The following SPRYD7 variants were observed in gnomAD, a reference collection of about 807,000 sequenced individuals.
The protein encoded by SPRYD7 is SPRY domain containing 7, also known as SPRY domain-containing protein 7.
In SPRYD7, 14 loss-of-function variants were observed where a neutral mutation model predicts 23.8. That is an observed-to-expected ratio of 0.59 (90% confidence interval 0.39 to 0.92). The LOEUF (loss-of-function observed/expected upper bound fraction) is 0.92, where lower values mean the gene tolerates loss of function less well. Among genes scored for constraint, SPRYD7 ranks in the 40% least tolerant of loss-of-function variants. The probability of loss-of-function intolerance (pLI) is 0.00; values close to 1 mark genes in which losing one functional copy is unlikely to be tolerated. For missense variants in SPRYD7, 194 were observed against 241.7 expected (o/e 0.80, Z 1.31); for synonymous variants, 75 against 84.9 (o/e 0.88, Z 0.64).
Position 49,936,231 on chromosome 13 carries a change from G to T in SPRYD7, c.5C>A (p.Ala2Asp). Residue 2 changes from alanine to aspartate, a missense_variant, in exon 1 of 5, where the codon GCC becomes GAC. Physicochemically the swap from Ala to Asp is moderately radical, Grantham distance 126. Transcript: ENST00000361840. The part of the protein sequence containing the change: M[A>D]TSVLCCLRCC... ...CCGCAGGCAGCACAACACCGAGGTGGCCATCGCGCAGGGACCACCGACTCC... is the reference window on the plus strand; with the variant it reads ...CCGCAGGCAGCACAACACCGAGGTGTCCATCGCGCAGGGACCACCGACTCC... The T allele has an allele frequency of 6.2e-7, 1 of 1,601,300 alleles. No homozygotes were observed. The highest frequency in any genetic ancestry group is 8.5e-7 in the Non-Finnish European group (1 of 1,176,590).
intron 3 of SPRYD7, among the ~76,000 whole-genome samples, chr13:49,925,156 GC>G (rs908561542): frequency 1.3e-5 from 2 of 151,844 alleles, no homozygotes; most frequent in Non-Finnish European, 2.9e-5. Flanking sequence ...ACTTTGGGAG[GC>G]CAAGGTGGGT....
chr13:49,918,606 G>A (rs1391859209), intron 4 of SPRYD7, among the ~76,000 whole-genome samples: 1 of 150,168 alleles, frequency 6.7e-6, no homozygotes, highest in Non-Finnish European at 1.5e-5. Flanking sequence ...TTGAACTCCA[G>A]ACCTCAAGTG....
At chr13:49,916,970 A>G (rs543307985) in intron 4 of SPRYD7, among the ~76,000 whole-genome samples, 1 of 152,324 alleles carries the variant, frequency 6.6e-6, no homozygotes, top group Admixed American at 6.5e-5. Context: ...GTAAGGTAGA[A>G]GGCAAGGCAT....
rs776261826 is a variant in SPRYD7 at position 49,936,176 on chromosome 13, G to C, written c.60C>G (p.Ile20Met). Residue 20 changes from isoleucine to methionine, a missense_variant, in exon 1 of 5, where the codon ATC becomes ATG. By Grantham distance (10) the Ile-to-Met change is conservative. Coordinates refer to ENST00000361840, the MANE Select transcript of SPRYD7 (RefSeq NM_020456.4). ...RCCRDGGTGH[I>M]PLKEMPAVQL... is the part of the protein sequence containing the mutation. ...GCACGGCCGGCATCTCCTTCAGAGG[G>C]ATGTGGCCAGTCCCCCCGTCTCTGC... is the stretch of plus-strand genomic sequence containing the variant. The C allele has an allele frequency of 1.9e-6, 3 of 1,609,996 alleles. No individual in the cohort carries two copies. Among genetic ancestry groups the C allele is most frequent in the Non-Finnish European group, 2.5e-6 (3 of 1,179,040 alleles).
chr13:49,923,611 A>G (rs1197708677), intron 3 of SPRYD7, among the ~76,000 whole-genome samples: 1 of 152,122 alleles, frequency 6.6e-6, no homozygotes. Context: ...GTGAGGAAAG[A>G]TGTGAGAAGT....
chr13:49,933,297 C>A (rs1185390460), intron 1 of SPRYD7, among the ~76,000 whole-genome samples: 1 of 152,036 alleles, frequency 6.6e-6, no homozygotes, highest in African/African-American at 2.4e-5. Context: ...TTTTGCAGAG[C>A]ACAATGGGAT....
Position 49,931,097 on chromosome 13 carries a change from T to C in SPRYD7, c.144A>G (p.Ile48Met). Residue 48 changes from isoleucine (I) to methionine (M), a missense_variant, in exon 2 of 5, where the codon ATA becomes ATG. Transcript: ENST00000361840. ...DVVIVKNGRRICGTGGCLASA... is the reference protein window; with the variant it reads ...DVVIVKNGRRMCGTGGCLASA... ...TGGCTAAACAACCTCCTGTTCCACA[T>C]ATTCTTCTTCCATTCTTTACAATAA... The C allele has an allele frequency of 6.2e-7, 1 of 1,613,314 alleles. No individual in the cohort carries two copies. The highest frequency in any genetic ancestry group is 8.5e-7 in the Non-Finnish European group (1 of 1,179,494).
At chr13:49,916,771 C>T (rs923167420) in intron 4 of SPRYD7, among the ~76,000 whole-genome samples, 1 of 152,068 alleles carries the variant, frequency 6.6e-6, no homozygotes, top group Non-Finnish European at 1.5e-5. Flanking sequence ...AAGAGGGAGG[C>T]CCATGACATG....
chr13:49,934,036 TAC>T (rs937291751), intron 1 of SPRYD7, among the ~76,000 whole-genome samples: 2 of 151,902 alleles, frequency 1.3e-5, no homozygotes, highest in African/African-American at 4.8e-5. Context: ...ACTTGAAGTA[TAC>T]AGACAATTTT....
intron 4 of SPRYD7, among the ~76,000 whole-genome samples, chr13:49,918,209 C>T (rs772181501): frequency 3.9e-5 from 6 of 151,962 alleles, no homozygotes; most frequent in East Asian, 3.9e-4. Flanking sequence ...ACTACAGGCA[C>T]GTACAACCAC....
At chr13:49,926,295 T>C (rs1429072849) in intron 3 of SPRYD7, among the ~76,000 whole-genome samples, 2 of 152,262 alleles carry the variant, frequency 1.3e-5, no homozygotes, top group African/African-American at 4.8e-5. Flanking sequence ...GGAAGGCAGG[T>C]AGAAGTTTCA....
At chr13:49,922,370 C>T (rs1225047479) in intron 3 of SPRYD7, among the ~76,000 whole-genome samples, 1 of 150,510 alleles carries the variant, frequency 6.6e-6, no homozygotes. Context: ...AGACTTAGCC[C>T]ATGTTATAAA....
chr13:49,933,073 C>A (rs1327266677), intron 1 of SPRYD7, among the ~76,000 whole-genome samples: 1 of 152,196 alleles, frequency 6.6e-6, no homozygotes, highest in Non-Finnish European at 1.5e-5. Context: ...GTGCTAAGCA[C>A]TTTGTAGTGG....
intron 3 of SPRYD7, among the ~76,000 whole-genome samples, chr13:49,922,691 T>C (rs967959554): frequency 1.4e-4 from 21 of 152,168 alleles, no homozygotes; most frequent in Non-Finnish European, 2.4e-4. Flanking sequence ...AAGAGATCTT[T>C]CCCTTGAAAG....
rs764532329 is a variant in SPRYD7, at chr13:49,928,026, G to A, written c.283C>T (p.Arg95Ter). ...CTCATCACCAGACTGTGCATATCTC[G>A]GCCAAGAGGAATCTGATTCAAGTTA... ...KVNLNQIPLG[R>*]DMHSLVMRND... Residue 95 changes from arginine to a stop codon, truncating the protein, a stop_gained, in exon 3 of 5, where the codon CGA becomes TGA. Transcript: ENST00000361840. LOFTEE classifies it high-confidence loss of function. 5.0e-6 allele frequency: 8 copies of A among 1,613,874 alleles called. No homozygotes were observed. Among genetic ancestry groups the A allele is most frequent in the African/African-American group, 1.3e-5 (1 of 74,882 alleles).
intron 2 of SPRYD7, among the ~76,000 whole-genome samples, chr13:49,929,572 T>G (rs1955923493): frequency 6.6e-6 from 1 of 152,166 alleles, no homozygotes. Flanking sequence ...CTCGGCTCAC[T>G]GTAACCTCTT....
chr13:49,924,557 T>G (rs1315987594), intron 3 of SPRYD7, among the ~76,000 whole-genome samples: 1 of 152,176 alleles, frequency 6.6e-6, no homozygotes, highest in Non-Finnish European at 1.5e-5. Flanking sequence ...TCCTTCTGCC[T>G]TGGCCTCTCA....
At chr13:49,922,508 C>T (rs1203966414) in intron 3 of SPRYD7, among the ~76,000 whole-genome samples, 1 of 152,042 alleles carries the variant, frequency 6.6e-6, no homozygotes, top group Non-Finnish European at 1.5e-5. Context: ...CCTAAGGTTG[C>T]ACAGCTAGGA....
rs142177258 is a variant in SPRYD7, at chr13:49,921,442, T to G, written c.493+36A>C. 4 of 1,275,422 alleles carry G rather than the reference T, an allele frequency of 3.1e-6. No homozygotes were observed. The African/African-American group carries it at 4.4e-5, about 14-fold the overall frequency. The allele number at this position is 1,275,422 out of a possible 1,614,324, so 79.0% of individuals were successfully genotyped here. A position where few individuals can be genotyped will look rare whatever the true frequency, so the allele number is the denominator to read the frequency against. On this transcript the variant is annotated intron_variant, in intron 4 of 4. Transcript: ENST00000361840. ...GATACACACACCAAACAAGTTAATA[T>G]GTATGTAATAATACATTAGAAATAT... is the stretch of plus-strand genomic sequence containing the variant.
Sources: gnomAD v4.1 joint callset for allele counts (sites outside exome capture counted in the v4.1 genomes callset) on GRCh38, gnomAD v4.1.1 for gene constraint, MANE v1.5 for transcripts, NCBI Gene and HGNC (gene_info 2026-07-23, HGNC 2026-07-21) for gene names.